Variants in DMD observed in about 807,000 individuals in gnomAD.
DMD encodes mutant dystrophin.
In DMD, 63 loss-of-function variants were observed where a neutral mutation model predicts 330.1. The ratio of observed to expected loss-of-function variants is 0.19; its 90% CI spans 0.16 to 0.24. The LOEUF is 0.24. DMD is among the 10% of genes least tolerant of loss of function. The pLI, the probability that DMD is intolerant of heterozygous loss-of-function variation, is 1.00. For missense variants in DMD, 3,344 were observed against 2,684.1 expected, an observed-to-expected ratio of 1.25 and a Z score of -5.43; for synonymous variants, 1,223 against 959.8, an observed-to-expected ratio of 1.27 and a Z score of -5.07.
chrX:32,024,035 C>A (rs2095826910), intron 44 of DMD, among the ~76,000 whole-genome samples: 1 of 111,384 alleles, frequency 9.0e-6, no homozygotes, highest in Non-Finnish European at 1.9e-5. Flanking sequence ...ACCTCATCAT[C>A]ATGCACTATA....
chrX:32,039,747 T>C (rs1461881054), intron 44 of DMD, among the ~76,000 whole-genome samples: 3 of 111,906 alleles, frequency 2.7e-5, no homozygotes, highest in Non-Finnish European at 5.6e-5. Flanking sequence ...TCAAAATGTA[T>C]TCCCTCTGTC....
In DMD at chrX:32,160,627, G is replaced by T. The variant is rs2096846148; in HGVS notation, c.6438+56289C>A. The stretch of plus-strand genomic sequence containing the variant: ...GTTTTTAATGGAGTCAACCTTTGTT[G>T]TCCAGGACAAATAACTGTTAAGAAT... On this transcript the variant is annotated intron_variant, in intron 44 of 78. Transcript: ENST00000357033. Among the ~76,000 whole-genome samples the T allele has an allele frequency of 2.7e-5, 3 of 110,978 alleles. No homozygotes were observed. In the Admixed American group the frequency reaches 2.9e-4, roughly 11 times the overall value.
chrX:32,884,831 G>A (rs982522409), intron 2 of DMD, among the ~76,000 whole-genome samples: 2 of 112,281 alleles, frequency 1.8e-5, no homozygotes, highest in Non-Finnish European at 3.8e-5. Flanking sequence ...CAAACAAGGA[G>A]AAGTGTATCA....
intron 29 of DMD, among the ~76,000 whole-genome samples, chrX:32,436,123 C>A (rs1367567215): frequency 8.9e-6 from 1 of 112,204 alleles, no homozygotes. Flanking sequence ...TCTGTCATCC[C>A]ATGGGAGGCA....
At chrX:31,582,290 G>A (rs1263878656) in intron 55 of DMD, among the ~76,000 whole-genome samples, 1 of 110,993 alleles carries the variant, frequency 9.0e-6, no homozygotes. Context: ...AGGTCTTTGC[G>A]GCAGATGGAA....
chrX:32,576,968 C>G (rs1216836332), intron 13 of DMD, among the ~76,000 whole-genome samples: 1 of 111,073 alleles, frequency 9.0e-6, no homozygotes, highest in African/African-American at 3.3e-5. Flanking sequence ...CTGGATATGC[C>G]AAATATTAAG....
intron 44 of DMD, among the ~76,000 whole-genome samples, chrX:32,212,831 T>A (rs957344951): frequency 5.4e-5 from 6 of 111,770 alleles, no homozygotes; most frequent in Non-Finnish European, 9.4e-5. Context: ...TGGCATGGTA[T>A]ATTGCTCTGG....
At chrX:31,720,585 T>C (rs1013276775) in intron 52 of DMD, among the ~76,000 whole-genome samples, 4 of 111,897 alleles carry the variant, frequency 3.6e-5, no homozygotes, top group African/African-American at 1.3e-4. Flanking sequence ...AATTCTTTAA[T>C]ATATTTACTC....
Position 31,131,297 on chromosome X carries a change from T to G in DMD, c.11014+2805A>C, listed in dbSNP as rs992637058. Among the ~76,000 whole-genome samples, 5 of 112,378 alleles carry G rather than the reference T, an allele frequency of 4.4e-5. No homozygotes were observed. In the Admixed American group the frequency reaches 4.7e-4, roughly 11 times the overall value. ...ATTTAGTGGGTTGCAACCAGCATTT[T>G]GTTTTTAAATAAATAAAATAGAAAA... On this transcript the variant is annotated intron_variant, in intron 77 of 78. Transcript: ENST00000357033.
At chrX:32,832,844 T>A (rs2079264460) in intron 4 of DMD, among the ~76,000 whole-genome samples, 2 of 111,599 alleles carry the variant, frequency 1.8e-5, no homozygotes, top group Admixed American at 1.9e-4. Context: ...CGGTGGGCCA[T>A]ATTGCCACTG....
At chrX:32,525,431 C>A (rs1456492787) in intron 17 of DMD, among the ~76,000 whole-genome samples, 2 of 111,184 alleles carry the variant, frequency 1.8e-5, no homozygotes, top group Non-Finnish European at 3.8e-5. Context: ...CAAGGCCTCC[C>A]ATGTACTCTC....
At chrX:32,836,951 C>A (rs2079695889) in intron 4 of DMD, among the ~76,000 whole-genome samples, 1 of 111,557 alleles carries the variant, frequency 9.0e-6, no homozygotes, top group Admixed American at 9.6e-5. Context: ...TCCGAAGTGA[C>A]TCTCAGCGTG....
At chrX:33,177,222 G>A (rs1002701190) in intron 1 of DMD, among the ~76,000 whole-genome samples, 3 of 111,546 alleles carry the variant, frequency 2.7e-5, no homozygotes, top group African/African-American at 6.5e-5. Context: ...ACAAGTCTCT[G>A]GAGAAGGAAG....
chrX:32,884,000 G>A (rs1161833859), intron 2 of DMD, among the ~76,000 whole-genome samples: 2 of 109,802 alleles, frequency 1.8e-5, no homozygotes, highest in East Asian at 5.7e-4. Flanking sequence ...GGAAAGGTAA[G>A]TACATAGGTT....
chrX:32,645,841 G>C (rs926183526), intron 9 of DMD, among the ~76,000 whole-genome samples: 1 of 112,260 alleles, frequency 8.9e-6, no homozygotes, highest in Non-Finnish European at 1.9e-5. Context: ...AATGCAAATG[G>C]TTGTCTTGGA....
chrX:32,229,059 T>C (rs1009941339), intron 43 of DMD, among the ~76,000 whole-genome samples: 16 of 78,111 alleles, frequency 2.0e-4, no homozygotes, highest in Non-Finnish European at 3.4e-4. Flanking sequence ...CATAGCTGAA[T>C]AAGGATAGCT....
rs749647782 is a variant in DMD at position 32,411,932 on chromosome X, A to G, written c.4072-19T>C. 2.5e-6 allele frequency: 3 copies of G among 1,207,666 alleles called. No homozygotes were observed. The highest frequency in any genetic ancestry group is 2.2e-5 in the Admixed American group (1 of 45,889). On this transcript the variant is annotated intron_variant, in intron 29 of 78. Transcript: ENST00000357033. Reference sequence around the variant, plus strand: ...TTACAGCCTAAAAAGAAGGAATAAGAGTGTATCAGTTAAATGTTTACTCTT... The same window carrying G: ...TTACAGCCTAAAAAGAAGGAATAAGGGTGTATCAGTTAAATGTTTACTCTT...
chrX:31,796,118 C>T (rs1046453657), intron 50 of DMD, among the ~76,000 whole-genome samples: 1 of 111,959 alleles, frequency 8.9e-6, no homozygotes, highest in Non-Finnish European at 1.9e-5. Flanking sequence ...AACTATTATA[C>T]AACCTTTACT....
intron 2 of DMD, among the ~76,000 whole-genome samples, chrX:32,868,941 G>C (rs781113679): frequency 2.3e-3 from 261 of 111,860 alleles, no homozygotes; most frequent in Non-Finnish European, 3.6e-3. Flanking sequence ...CGTGCACCCT[G>C]ACTGGGTGAG....
Sources: allele counts gnomAD v4.1 joint callset (sites outside exome capture counted in the v4.1 genomes callset), GRCh38; gene constraint gnomAD v4.1.1; transcripts MANE v1.5; gene names NCBI Gene and HGNC (gene_info 2026-07-23, HGNC 2026-07-21).